UNC5C: variants seen among roughly 807,000 people sequenced by gnomAD.
The protein encoded by UNC5C is unc-5 netrin receptor C.
Under a neutral mutation model 99.8 loss-of-function variants are expected in UNC5C, and 47 were observed. That is an observed-to-expected ratio of 0.47 (90% confidence interval 0.37 to 0.60). The LOEUF (loss-of-function observed/expected upper bound fraction) is 0.60. Among genes scored for constraint, UNC5C ranks in the 20% least tolerant of loss-of-function variants. The pLI is 0.00. For synonymous variants in UNC5C, 487 were observed against 452.2 expected (o/e 1.08, Z -0.98); for missense variants, 1,062 against 1,165.9 (o/e 0.91, Z 1.30).
intron 4 of UNC5C, among the ~76,000 whole-genome samples, chr4:95,262,262 T>A (rs1048483638): frequency 6.6e-6 from 1 of 152,190 alleles, no homozygotes; most frequent in Admixed American, 6.5e-5. Flanking sequence ...GGGCCTAATA[T>A]GTCAAATGAT....
intron 1 of UNC5C, among the ~76,000 whole-genome samples, chr4:95,531,585 T>G (rs1396634483): frequency 1.3e-5 from 2 of 152,236 alleles, no homozygotes; most frequent in Non-Finnish European, 2.9e-5. Context: ...ATGATACATT[T>G]CACTGTACTA....
intron 5 of UNC5C, 150 bp from the exon 6 acceptor site, chr4:95,245,294 T>A: frequency 1.1e-6 from 1 of 879,010 alleles, no homozygotes; most frequent in Non-Finnish European, 1.6e-6. Context: ...GAAGAGACCA[T>A]GGACCTCATT....
intron 2 of UNC5C, among the ~76,000 whole-genome samples, chr4:95,322,999 T>G (rs1175820442): frequency 6.6e-6 from 1 of 151,488 alleles, no homozygotes; most frequent in Admixed American, 6.6e-5. Flanking sequence ...TCATATGAAT[T>G]ATCAAAATAT....
At chr4:95,176,514 A>T (rs1371608261) in intron 14 of UNC5C, among the ~76,000 whole-genome samples, 4 of 152,100 alleles carry the variant, frequency 2.6e-5, no homozygotes, top group African/African-American at 9.7e-5. Context: ...GTGAGGTGTC[A>T]GTCTGCCCCT....
At chr4:95,266,002 A>G (rs992902364) in intron 4 of UNC5C, among the ~76,000 whole-genome samples, 2 of 152,190 alleles carry the variant, frequency 1.3e-5, no homozygotes, top group Admixed American at 6.5e-5. Context: ...TACCTACCTA[A>G]ATGTATTTTA....
chr4:95,495,282 T>G (rs6532559), intron 1 of UNC5C, among the ~76,000 whole-genome samples: 2 of 151,260 alleles, frequency 1.3e-5, no homozygotes, highest in African/African-American at 4.8e-5. Context: ...CTTTTATCAC[T>G]TGTAACTCTG....
intron 1 of UNC5C, among the ~76,000 whole-genome samples, chr4:95,342,615 G>A (rs1214627608): frequency 6.6e-6 from 1 of 151,734 alleles, no homozygotes; most frequent in East Asian, 2.0e-4. Context: ...AATGGACTGG[G>A]ATGAGGCTCC....
intron 1 of UNC5C, among the ~76,000 whole-genome samples, chr4:95,530,050 A>G (rs1236781397): frequency 6.6e-6 from 1 of 152,174 alleles, no homozygotes; most frequent in Non-Finnish European, 1.5e-5. Flanking sequence ...TCTTAAGTGT[A>G]ATGCATCAAG....
At chr4:95,284,039 C>T (rs1316413848) in intron 3 of UNC5C, among the ~76,000 whole-genome samples, 1 of 152,166 alleles carries the variant, frequency 6.6e-6, no homozygotes, top group Non-Finnish European at 1.5e-5. Flanking sequence ...TCCATTTATA[C>T]ATAACCAAAG....
intron 1 of UNC5C, among the ~76,000 whole-genome samples, chr4:95,499,695 G>C (rs1578196986): frequency 6.6e-6 from 1 of 152,034 alleles, no homozygotes; most frequent in Admixed American, 6.6e-5. Context: ...GTCTTCCAGG[G>C]AGACCAAACA....
intron 4 of UNC5C, among the ~76,000 whole-genome samples, chr4:95,271,841 G>A (rs1309995462): frequency 6.6e-6 from 1 of 152,090 alleles, no homozygotes; most frequent in Non-Finnish European, 1.5e-5. Flanking sequence ...GCAAGTCTGC[G>A]CCCTCGTTCC....
rs542763050 is a variant in UNC5C at position 95,349,895 on chromosome 4, A to C, written c.125-14264T>G. Among the ~76,000 whole-genome samples, 78 of 152,254 alleles carry C rather than the reference A, an allele frequency of 5.1e-4. 1 individual carries two copies. In the South Asian group the frequency reaches 0.016, roughly 31 times the overall value. On this transcript the variant is annotated intron_variant, in intron 1 of 15. Transcript: ENST00000453304. Reference sequence around the variant, plus strand: ...AGTAGCTTTCTCAAATTTGGCTTAGAAATCAATATTGGTTGATCACTTTCT... The same window carrying C: ...AGTAGCTTTCTCAAATTTGGCTTAGCAATCAATATTGGTTGATCACTTTCT...
intron 2 of UNC5C, among the ~76,000 whole-genome samples, chr4:95,323,612 T>C (rs1436601956): frequency 6.6e-6 from 1 of 152,220 alleles, no homozygotes; most frequent in Non-Finnish European, 1.5e-5. Flanking sequence ...ATAGAATTTA[T>C]ACAGATCTCC....
intron 3 of UNC5C, among the ~76,000 whole-genome samples, chr4:95,294,157 A>G (rs1028393555): frequency 1.3e-5 from 2 of 152,228 alleles, no homozygotes; most frequent in African/African-American, 4.8e-5. Context: ...AAATAATTTT[A>G]TCTGTTTCTT....
At chr4:95,365,061 G>A (rs990622627) in intron 1 of UNC5C, among the ~76,000 whole-genome samples, 7 of 151,332 alleles carry the variant, frequency 4.6e-5, no homozygotes, top group Non-Finnish European at 7.4e-5. Context: ...TTGGGAGTCC[G>A]AGAAAGGCGG....
chr4:95,301,567 A>G, intron 3 of UNC5C, 39 bp downstream of exon 3: 1 of 1,612,462 alleles, frequency 6.2e-7, no homozygotes, highest in African/African-American at 1.3e-5. Context: ...ATGTGTATCA[A>G]CTTCTGAGAC....
rs546167814 is a variant in UNC5C, at chr4:95,385,109, T to A, written c.125-49478A>T. ...GAAATGTTCTCAACCATTAGAACAA[T>A]TATGGGCACCCTGTTCATATTATCC... is the stretch of plus-strand genomic sequence containing the variant. On this transcript the variant is annotated intron_variant, in intron 1 of 15. Transcript: ENST00000453304. Among the ~76,000 whole-genome samples the A allele has an allele frequency of 2.6e-5, 4 of 152,214 alleles. No individual in the cohort carries two copies. The South Asian group carries it at 8.3e-4, about 32-fold the overall frequency.
At chr4:95,398,636 T>G (rs1745596024) in intron 1 of UNC5C, among the ~76,000 whole-genome samples, 3 of 152,212 alleles carry the variant, frequency 2.0e-5, no homozygotes, top group African/African-American at 7.2e-5. Flanking sequence ...ATGTATCTCC[T>G]GTTTCTTGTT....
At chr4:95,523,954 C>T (rs908420400) in intron 1 of UNC5C, among the ~76,000 whole-genome samples, 2 of 151,866 alleles carry the variant, frequency 1.3e-5, no homozygotes, top group African/African-American at 2.4e-5. Context: ...AAGTAGAAGC[C>T]AACAAAATGA....
Sources: allele counts gnomAD v4.1 joint callset (sites outside exome capture counted in the v4.1 genomes callset), GRCh38; gene constraint gnomAD v4.1.1; transcripts MANE v1.5; gene names NCBI Gene and HGNC (gene_info 2026-07-23, HGNC 2026-07-21).